The following DLGAP4 variants were observed in gnomAD, a reference collection of about 807,000 sequenced individuals.
DLGAP4 encodes the protein DLG associated protein 4, also known as disks large-associated protein 4.
A neutral mutation model predicts 86.9 loss-of-function variants in DLGAP4; 18 were observed. The observed-to-expected ratio is 0.21, with a 90% confidence interval of 0.14 to 0.31. DLGAP4 has a LOEUF of 0.31. Among genes scored for constraint, DLGAP4 ranks in the 10% least tolerant of loss-of-function variants. The probability of loss-of-function intolerance (pLI) is 1.00; values close to 1 mark genes in which losing one functional copy is unlikely to be tolerated. For synonymous variants in DLGAP4, 548 were observed against 574.3 expected (o/e 0.95, Z 0.65); for missense variants, 1,085 against 1,362.6 (o/e 0.80, Z 3.21).
chr20:36,475,336 G>C (rs536642129), intron 7 of DLGAP4, among the ~76,000 whole-genome samples: 2 of 152,262 alleles, frequency 1.3e-5, no homozygotes, highest in South Asian at 4.2e-4. Context: ...TCAGCCTCCT[G>C]AGTAGCTGGG....
intron 10 of DLGAP4, among the ~76,000 whole-genome samples, chr20:36,520,960 G>C (rs1169154377): frequency 1.3e-5 from 2 of 152,280 alleles, no homozygotes; most frequent in South Asian, 2.1e-4. Flanking sequence ...AGCCTCCTGA[G>C]TAGCTGGGAT....
intron 2 of DLGAP4, among the ~76,000 whole-genome samples, chr20:36,402,408 C>T (rs1466793446): frequency 6.6e-6 from 1 of 152,180 alleles, no homozygotes; most frequent in East Asian, 1.9e-4. Flanking sequence ...TCTGTTGGAT[C>T]ATATGTGCCT....
intron 7 of DLGAP4, among the ~76,000 whole-genome samples, chr20:36,453,158 A>G (rs903804052): frequency 6.6e-6 from 1 of 152,198 alleles, no homozygotes; most frequent in African/African-American, 2.4e-5. Flanking sequence ...TCCTTAACAA[A>G]TGCAGCCAAA....
intron 1 of DLGAP4, among the ~76,000 whole-genome samples, chr20:36,310,056 A>T (rs2147329106): frequency 1.3e-5 from 2 of 152,220 alleles, no homozygotes; most frequent in East Asian, 3.9e-4. Context: ...CTGCATGGAC[A>T]AGCACAGTGG....
intron 7 of DLGAP4, among the ~76,000 whole-genome samples, chr20:36,458,647 C>T (rs928214100): frequency 5.9e-5 from 9 of 151,760 alleles, no homozygotes; most frequent in South Asian, 4.2e-4. Flanking sequence ...TGCAGTGAGC[C>T]GAGATTGCGC....
At chr20:36,390,870 G>A (rs569884733) in intron 2 of DLGAP4, among the ~76,000 whole-genome samples, 110 of 151,866 alleles carry the variant, frequency 7.2e-4, no homozygotes, top group Middle Eastern at 3.4e-3. Context: ...CCTGACCCTG[G>A]TCCCAGACTG....
chr20:36,521,365 CTTTTT>C (rs549680541), intron 10 of DLGAP4, among the ~76,000 whole-genome samples: 3 of 152,004 alleles, frequency 2.0e-5, no homozygotes, highest in Admixed American at 6.6e-5. Context: ...AGTAGTTTTT[CTTTTT>C]TATTACTTAG....
At chr20:36,397,738 TA>T (rs1268946785) in intron 2 of DLGAP4, among the ~76,000 whole-genome samples, 1 of 152,246 alleles carries the variant, frequency 6.6e-6, no homozygotes, top group Non-Finnish European at 1.5e-5. Context: ...AGATGTTTTT[TA>T]AATTTCAAAC....
At position 36,431,702 on chromosome 20, in the gene DLGAP4, C is replaced by T. The variant is rs1188334876; in HGVS notation, c.-16C>T. On this transcript the variant is annotated 5_prime_UTR_variant, in exon 3 of 13. Transcript: ENST00000339266. This position sits in a 1 kb window ranked among gnomAD's most constrained non-coding sequence, Gnocchi z 5.1. ...CGCCCTGCTAGGGTGAAGGCCCCTGCCCTCGGCCCGGGATCATGAAAGGCC... is the reference window on the plus strand; with the variant it reads ...CGCCCTGCTAGGGTGAAGGCCCCTGTCCTCGGCCCGGGATCATGAAAGGCC... 4 of 1,568,950 alleles carry T rather than the reference C, an allele frequency of 2.5e-6. No individual in the cohort carries two copies. The highest frequency in any genetic ancestry group is 3.5e-6 in the Non-Finnish European group (4 of 1,155,112).
intron 1 of DLGAP4, among the ~76,000 whole-genome samples, chr20:36,338,334 G>A (rs1286918487): frequency 6.6e-6 from 1 of 152,176 alleles, no homozygotes; most frequent in Non-Finnish European, 1.5e-5. Context: ...GGCCAAGGTG[G>A]GCAGATCACC....
intron 2 of DLGAP4, among the ~76,000 whole-genome samples, chr20:36,422,791 C>A (rs2032865571): frequency 6.6e-6 from 1 of 152,162 alleles, no homozygotes; most frequent in Non-Finnish European, 1.5e-5. Flanking sequence ...AGCAGCTTTG[C>A]TGGGCCCTCC....
chr20:36,426,809 G>C (rs1488931104), intron 2 of DLGAP4, among the ~76,000 whole-genome samples: 1 of 152,156 alleles, frequency 6.6e-6, no homozygotes, highest in Non-Finnish European at 1.5e-5. Context: ...TATGGACGTG[G>C]TTGTCAGAAG....
Position 36,527,045 on chromosome 20 carries a change from G to A in DLGAP4, c.*14G>A. ...ACCAGGCTCTGAGACCATGCAGGAG[G>A]AAAGAAACGATTTTAAATCATTAAA... On this transcript the variant is annotated 3_prime_UTR_variant, in exon 13 of 13. Coordinates refer to ENST00000339266, the MANE Select transcript of DLGAP4 (RefSeq NM_001365621.2). The A allele has an allele frequency of 3.8e-6, 6 of 1,569,282 alleles. No individual in the cohort carries two copies. Among genetic ancestry groups the A allele is most frequent in the South Asian group, 2.3e-5 (2 of 87,864 alleles).
At position 36,421,265 on chromosome 20, in the gene DLGAP4, G is replaced by A. The variant is rs572354364; in HGVS notation, c.-72-10381G>A. 2.6e-5 allele frequency among the ~76,000 whole-genome samples: 4 copies of A among 152,242 alleles called. No homozygotes were observed. In the South Asian group the frequency reaches 8.3e-4, roughly 32 times the overall value. ...GAAGTCAGGAGTTGGAGATCAGCCTGGCCAACATGGTGAACCCCCGTGTCT... is the reference window on the plus strand; with the variant it reads ...GAAGTCAGGAGTTGGAGATCAGCCTAGCCAACATGGTGAACCCCCGTGTCT... On this transcript the variant is annotated intron_variant, in intron 2 of 12. Transcript: ENST00000339266.
At chr20:36,515,297 CTGTT>C (rs918919633) in intron 10 of DLGAP4, among the ~76,000 whole-genome samples, 22 of 152,282 alleles carry the variant, frequency 1.4e-4, no homozygotes, top group South Asian at 4.1e-4. Context: ...TTCAGAATCT[CTGTT>C]TGTGTTTGCC....
At position 36,356,603 on chromosome 20, in the gene DLGAP4, G is replaced by A. The variant is rs185132638; in HGVS notation, c.-303-10442G>A. 2.3e-3 allele frequency among the ~76,000 whole-genome samples: 344 copies of A among 151,394 alleles called. 1 individual carries two copies. Among genetic ancestry groups the A allele is most frequent in the African/African-American group, 7.9e-3 (325 of 41,188 alleles). Reference sequence around the variant, plus strand: ...TGGGATTACAGGGGTGAGCCACCGCGCCTGGCCCGTTGTTGTTTTTGTTTG... The same window carrying A: ...TGGGATTACAGGGGTGAGCCACCGCACCTGGCCCGTTGTTGTTTTTGTTTG... On this transcript the variant is annotated intron_variant, in intron 1 of 12. Transcript: ENST00000339266.
Position 36,526,996 on chromosome 20 carries a change from G to A in DLGAP4, c.2944G>A (p.Glu982Lys). 3.1e-6 allele frequency: 5 copies of A among 1,610,690 alleles called. No homozygotes were observed. Among genetic ancestry groups the A allele is most frequent in the Non-Finnish European group, 4.2e-6 (5 of 1,178,236 alleles). ...AGCCACCGAGAGCGCAGACAGCATC[G>A]AGATTTATGTCCCGGAGGCCCAGAC... ...NSATESADSI[E>K]IYVPEAQTRL Residue 982 changes from glutamate to lysine, a missense_variant, in exon 13 of 13, where the codon GAG (glutamate) becomes AAG (lysine). Physicochemically the swap from Glu to Lys is moderately conservative, Grantham distance 56. Transcript: ENST00000339266.
intron 7 of DLGAP4, among the ~76,000 whole-genome samples, chr20:36,482,259 G>A (rs2035220745): frequency 6.6e-6 from 1 of 152,182 alleles, no homozygotes; most frequent in Non-Finnish European, 1.5e-5. Context: ...GGTGAAAGAG[G>A]CCAGCAATCG....
At chr20:36,409,029 A>C (rs2032407096) in intron 2 of DLGAP4, among the ~76,000 whole-genome samples, 1 of 145,088 alleles carries the variant, frequency 6.9e-6, no homozygotes, top group South Asian at 2.2e-4. Context: ...TTGCCAAATA[A>C]AAGGCTTTTT....
Sources: allele counts gnomAD v4.1 joint callset (sites outside exome capture counted in the v4.1 genomes callset), GRCh38; gene constraint gnomAD v4.1.1; non-coding constraint Gnocchi (gnomAD v3.1); transcripts MANE v1.5; gene names NCBI Gene and HGNC (gene_info 2026-07-23, HGNC 2026-07-21).